ACTL7A: variants seen among roughly 807,000 people sequenced by gnomAD.
The protein encoded by ACTL7A is actin-like protein 7A.
In ACTL7A, 27 loss-of-function variants were observed where a neutral mutation model predicts 30.3. The ratio of observed to expected loss-of-function variants is 0.89; its 90% CI spans 0.66 to 1.23. ACTL7A has a LOEUF of 1.23. Ranked by LOEUF, ACTL7A falls within the 50% of genes most tolerant of loss-of-function variation. The probability of loss-of-function intolerance (pLI) is 0.00; values close to 1 mark genes in which losing one functional copy is unlikely to be tolerated. For synonymous variants in ACTL7A, 259 were observed against 241.4 expected (o/e 1.07, Z -0.67); for missense variants, 566 against 571.8 (o/e 0.99, Z 0.10).
chr9:108,863,196 G>A lies in ACTL7A; in HGVS notation c.874G>A (p.Val292Ile). The A allele has an allele frequency of 6.2e-7, 1 of 1,614,116 alleles. No homozygotes were observed. The highest frequency in any genetic ancestry group is 1.1e-5 in the South Asian group (1 of 91,080). Residue 292 changes from valine to isoleucine, a missense_variant, in exon 1 of 1, where the codon GTC becomes ATC. Coordinates refer to ENST00000333999, the MANE Select transcript of ACTL7A (RefSeq NM_006687.4). Reference sequence around the variant, plus strand: ...CCTGGATCCCATTGAGGAGAAGAAAGTCCCTCTCAGTGAGCATACGATCCG... The same window carrying A: ...CCTGGATCCCATTGAGGAGAAGAAAATCCCTCTCAGTGAGCATACGATCCG... Reference protein sequence around the residue: ...VALDPIEEKKVPLSEHTIRYV... With the variant: ...VALDPIEEKKIPLSEHTIRYV...
In ACTL7A at chr9:108,863,190, A is replaced by G; in HGVS notation, c.868A>G (p.Lys290Glu). The G allele has an allele frequency of 1.2e-6, 2 of 1,614,070 alleles. No individual in the cohort carries two copies. Among genetic ancestry groups the G allele is most frequent in the Non-Finnish European group, 1.7e-6 (2 of 1,180,034 alleles). ...TGTGGCCCTGGATCCCATTGAGGAG[A>G]AGAAAGTCCCTCTCAGTGAGCATAC... is the stretch of plus-strand genomic sequence containing the variant. ...CFVALDPIEE[K>E]KVPLSEHTIR... The change falls in exon 1 of 1, where the codon AAG becomes GAG. Residue 290 changes from lysine (K) to glutamate (E), a missense_variant. By Grantham distance (56) the Lys-to-Glu change is moderately conservative. Coordinates refer to ENST00000333999, the MANE Select transcript of ACTL7A (RefSeq NM_006687.4).
In ACTL7A at chr9:108,863,712, G is replaced by A. The variant is rs755231009; in HGVS notation, c.*82G>A. 2.7e-5 allele frequency: 37 copies of A among 1,349,296 alleles called. No homozygotes were observed. The highest frequency in any genetic ancestry group is 1.2e-4 in the African/African-American group (8 of 68,864). The allele number at this position is 1,349,296 out of a possible 1,614,324, so 83.6% of individuals were successfully genotyped here. ...ACTCCTACACACAGGGGGTGGAGCCGGCGCTTATTCCTGTAGCATTAAACA... is the reference window on the plus strand; with the variant it reads ...ACTCCTACACACAGGGGGTGGAGCCAGCGCTTATTCCTGTAGCATTAAACA... On this transcript the variant is annotated 3_prime_UTR_variant, in exon 1 of 1. Transcript: ENST00000333999.
In ACTL7A at chr9:108,863,713, G is replaced by A; in HGVS notation, c.*83G>A. On this transcript the variant is annotated 3_prime_UTR_variant, in exon 1 of 1. Transcript: ENST00000333999. ...CTCCTACACACAGGGGGTGGAGCCGGCGCTTATTCCTGTAGCATTAAACAC... is the reference window on the plus strand; with the variant it reads ...CTCCTACACACAGGGGGTGGAGCCGACGCTTATTCCTGTAGCATTAAACAC... 1.5e-6 allele frequency: 2 copies of A among 1,349,810 alleles called. No individual in the cohort carries two copies. Among genetic ancestry groups the A allele is most frequent in the East Asian group, 2.4e-5 (1 of 42,514 alleles). The allele number at this position is 1,349,810 out of a possible 1,614,324, so 83.6% of individuals were successfully genotyped here.
Position 108,862,441 on chromosome 9 carries a change from G to T in ACTL7A, c.119G>T (p.Arg40Leu). ...TASLRDGPAK[R>L]AVWVRHTSSE... ...TCTTTAAGGGATGGCCCGGCGAAGCGGGCCGTGTGGGTCCGCCATACGAGT... is the reference window on the plus strand; with the variant it reads ...TCTTTAAGGGATGGCCCGGCGAAGCTGGCCGTGTGGGTCCGCCATACGAGT... Residue 40 changes from arginine to leucine, a missense_variant, in exon 1 of 1, where the codon CGG becomes CTG. Transcript: ENST00000333999. 1 of 1,614,084 alleles carries T rather than the reference G, an allele frequency of 6.2e-7. No homozygotes were observed. The highest frequency in any genetic ancestry group is 8.5e-7 in the Non-Finnish European group (1 of 1,180,030).
In ACTL7A at chr9:108,862,524, G is replaced by T. The variant is rs1400270100; in HGVS notation, c.202G>T (p.Val68Leu). 1 of 1,613,992 alleles carries T rather than the reference G, an allele frequency of 6.2e-7. No homozygotes were observed. Among genetic ancestry groups the T allele is most frequent in the Non-Finnish European group, 8.5e-7 (1 of 1,180,046 alleles). Residue 68 changes from valine to leucine, a missense_variant, in exon 1 of 1, where the codon GTG (valine) becomes TTG (leucine). Physicochemically the swap from Val to Leu is conservative, Grantham distance 32. Transcript: ENST00000333999. Reference protein sequence around the residue: ...KAAKERPKQEVTKAVVVDLGT... With the variant: ...KAAKERPKQELTKAVVVDLGT... ...AGCCAAGGAGAGGCCCAAGCAGGAG[G>T]TGACCAAAGCAGTGGTCGTGGACCT...
rs1827181673 is a variant in ACTL7A, at chr9:108,862,689, A to G, written c.367A>G (p.Asn123Asp). 6.2e-7 allele frequency: 1 copy of G among 1,614,100 alleles called. No individual in the cohort carries two copies. Among genetic ancestry groups the G allele is most frequent in the African/African-American group, 1.3e-5 (1 of 74,928 alleles). Residue 123 changes from asparagine (N) to aspartate (D), a missense_variant, in exon 1 of 1, where the codon AAC becomes GAC. By Grantham distance (23) the Asn-to-Asp change is conservative (BLOSUM62 1). Transcript: ENST00000333999. ...GGAGACATTCGTGGGGCAGGAACTCAACAACACAAACGTTCATCTCAAGCT... is the reference window on the plus strand; with the variant it reads ...GGAGACATTCGTGGGGCAGGAACTCGACAACACAAACGTTCATCTCAAGCT... Reference protein sequence around the residue: ...RKETFVGQELNNTNVHLKLVN... With the variant: ...RKETFVGQELDNTNVHLKLVN...
rs1175812206 is a variant in ACTL7A, at chr9:108,863,380, AC to A, written c.1060del (p.Leu354SerfsTer25). 6.2e-7 allele frequency: 1 copy of A among 1,614,156 alleles called. No homozygotes were observed. The stretch of plus-strand genomic sequence containing the variant: ...AAGTGTGACATCGCCCTCAAACGGG[AC>A]CTCATGGGGAACATCCTGCTCTGCG... ...LNKCDIALKR[D>X]LMGNILLCGG... On this transcript the variant is annotated frameshift_variant, in exon 1 of 1. Coordinates refer to ENST00000333999, the MANE Select transcript of ACTL7A (RefSeq NM_006687.4). LOFTEE classifies it high-confidence loss of function.
chr9:108,863,015 G>A lies in ACTL7A; in HGVS notation c.693G>A (p.Glu231=), dbSNP rs1357018237. 6.2e-7 allele frequency: 1 copy of A among 1,613,408 alleles called. No individual in the cohort carries two copies. The highest frequency in any genetic ancestry group is 8.5e-7 in the Non-Finnish European group (1 of 1,179,610). ...HGVSYVVPIY[E]GYPLPSITGR... is the part of the protein sequence containing the mutation. ...TGTCCTACGTGGTCCCCATCTACGA[G>A]GGTTATCCTTTGCCCAGCATCACCG... Residue 231 remains glutamate (E), a synonymous_variant, in exon 1 of 1, where the codon GAG becomes GAA. Transcript: ENST00000333999.
Position 108,862,851 on chromosome 9 carries a change from C to CA in ACTL7A, c.530dup (p.His177GlnfsTer9), listed in dbSNP as rs1564200738. On this transcript the variant is annotated frameshift_variant, in exon 1 of 1. Coordinates refer to ENST00000333999, the MANE Select transcript of ACTL7A (RefSeq NM_006687.4). LOFTEE classifies it high-confidence loss of function. ...GGTTTCAGACCCGCCACTGAGCCCA[C>CA]ACACCAACAGAGAGAAATATGCTGA... 10 of 1,613,972 alleles carry CA rather than the reference C, an allele frequency of 6.2e-6. No individual in the cohort carries two copies. Among genetic ancestry groups the CA allele is most frequent in the Non-Finnish European group, 8.5e-6 (10 of 1,179,910 alleles).
At position 108,862,403 on chromosome 9, in the gene ACTL7A, C is replaced by T; in HGVS notation, c.81C>T (p.Ala27=). Residue 27 remains alanine, a synonymous_variant, in exon 1 of 1, where the codon GCC becomes GCT. Transcript: ENST00000333999. ...VGNQAPLQTQ[A]LQTASLRDGP... is the part of the protein sequence containing the mutation. ...ACCAGGCCCCCCTGCAGACACAGGCCCTCCAGACTGCCTCTTTAAGGGATG... is the reference window on the plus strand; with the variant it reads ...ACCAGGCCCCCCTGCAGACACAGGCTCTCCAGACTGCCTCTTTAAGGGATG... The T allele has an allele frequency of 3.7e-6, 6 of 1,614,052 alleles. No individual in the cohort carries two copies. Among genetic ancestry groups the T allele is most frequent in the Non-Finnish European group, 5.1e-6 (6 of 1,180,024 alleles).
rs1336217267 is a variant in ACTL7A, at chr9:108,863,100, G to A, written c.778G>A (p.Ala260Thr). 1 of 1,614,134 alleles carries A rather than the reference G, an allele frequency of 6.2e-7. No homozygotes were observed. Among genetic ancestry groups the A allele is most frequent in the Non-Finnish European group, 8.5e-7 (1 of 1,180,030 alleles). ...TAYLLGLLNS[A>T]GNEFTQDQMG... is the part of the protein sequence containing the mutation. ...CTACCTGCTGGGCCTGCTGAACAGTGCGGGGAACGAATTCACCCAGGACCA... is the reference window on the plus strand; with the variant it reads ...CTACCTGCTGGGCCTGCTGAACAGTACGGGGAACGAATTCACCCAGGACCA... Residue 260 changes from alanine to threonine, a missense_variant, in exon 1 of 1, where the codon GCG (alanine) becomes ACG (threonine). Transcript: ENST00000333999.
In ACTL7A at chr9:108,863,519, G is replaced by A. The variant is rs751153348; in HGVS notation, c.1197G>A (p.Val399=). Reference sequence around the variant, plus strand: ...TGCTGCCTGAAAGAGACAGTGCCGTGTGGACCGGTGGCTCCATCCTGGCCT... The same window carrying A: ...TGCTGCCTGAAAGAGACAGTGCCGTATGGACCGGTGGCTCCATCCTGGCCT... ...VNVLPERDSA[V]WTGGSILASL... is the part of the protein sequence containing the mutation. The change falls in exon 1 of 1, where the codon GTG becomes GTA. Residue 399 remains valine (V), a synonymous_variant. Coordinates refer to ENST00000333999, the MANE Select transcript of ACTL7A (RefSeq NM_006687.4). 6 of 1,614,086 alleles carry A rather than the reference G, an allele frequency of 3.7e-6. No individual in the cohort carries two copies. The highest frequency in any genetic ancestry group is 1.3e-5 in the African/African-American group (1 of 74,936).
At position 108,863,004 on chromosome 9, in the gene ACTL7A, C is replaced by G; in HGVS notation, c.682C>G (p.Pro228Ala). 6.2e-7 allele frequency: 1 copy of G among 1,612,296 alleles called. No homozygotes were observed. The highest frequency in any genetic ancestry group is 8.5e-7 in the Non-Finnish European group (1 of 1,178,946). The change falls in exon 1 of 1, where the codon CCC becomes GCC. Residue 228 changes from proline to alanine, a missense_variant. Coordinates refer to ENST00000333999, the MANE Select transcript of ACTL7A (RefSeq NM_006687.4). ...EVGHGVSYVV[P>A]IYEGYPLPSI... ...GGGCCATGGCGTGTCCTACGTGGTC[C>G]CCATCTACGAGGGTTATCCTTTGCC...
rs529223031 is a variant in ACTL7A at position 108,862,353 on chromosome 9, G to A, written c.31G>A (p.Asp11Asn). Reference sequence around the variant, plus strand: ...GGCTCCACCAGCAGCAATCATGGGGGATGGGCCCACCAAGAAGGTGGGCAA... The same window carrying A: ...GGCTCCACCAGCAGCAATCATGGGGAATGGGCCCACCAAGAAGGTGGGCAA... MWAPPAAIMG[D>N]GPTKKVGNQA... The change falls in exon 1 of 1, where the codon GAT (aspartate) becomes AAT (asparagine). Residue 11 changes from aspartate (D) to asparagine (N), a missense_variant. Transcript: ENST00000333999. 1 of 1,613,298 alleles carries A rather than the reference G, an allele frequency of 6.2e-7. No homozygotes were observed. The highest frequency in any genetic ancestry group is 8.5e-7 in the Non-Finnish European group (1 of 1,179,774).
chr9:108,863,390 G>C lies in ACTL7A; in HGVS notation c.1068G>C (p.Gly356=), dbSNP rs750011882. The change falls in exon 1 of 1, where the codon GGG becomes GGC. Residue 356 remains glycine (G), a synonymous_variant. Coordinates refer to ENST00000333999, the MANE Select transcript of ACTL7A (RefSeq NM_006687.4). ...TCGCCCTCAAACGGGACCTCATGGG[G>C]AACATCCTGCTCTGCGGGGGCAGCA... is the stretch of plus-strand genomic sequence containing the variant. ...CDIALKRDLM[G]NILLCGGSTM... 6.2e-7 allele frequency: 1 copy of C among 1,614,202 alleles called. No homozygotes were observed. Among genetic ancestry groups the C allele is most frequent in the Non-Finnish European group, 8.5e-7 (1 of 1,180,038 alleles).
Position 108,863,478 on chromosome 9 carries a change from A to C in ACTL7A, c.1156A>C (p.Thr386Pro), listed in dbSNP as rs930788420. 2 of 1,614,056 alleles carry C rather than the reference A, an allele frequency of 1.2e-6. No individual in the cohort carries two copies. The highest frequency in any genetic ancestry group is 1.7e-6 in the Non-Finnish European group (2 of 1,180,010). Residue 386 changes from threonine (T) to proline (P), a missense_variant, in exon 1 of 1, where the codon ACC becomes CCC. Thr to Pro is a conservative substitution (Grantham distance 38). Coordinates refer to ENST00000333999, the MANE Select transcript of ACTL7A (RefSeq NM_006687.4). ...GCTAAGCAGCATGTGTCCCAATGAC[A>C]CCCCGCAGGTAAACGTGCTGCCTGA... The part of the protein sequence containing the change: ...KELSSMCPND[T>P]PQVNVLPERD...
In ACTL7A at chr9:108,863,187, G is replaced by C. The variant is rs113311449; in HGVS notation, c.865G>C (p.Glu289Gln). The change falls in exon 1 of 1, where the codon GAG becomes CAG. Residue 289 changes from glutamate (E) to glutamine (Q), a missense_variant. By Grantham distance (29) the Glu-to-Gln change is conservative (BLOSUM62 2). Transcript: ENST00000333999. ...CTTTGTGGCCCTGGATCCCATTGAG[G>C]AGAAGAAAGTCCCTCTCAGTGAGCA... ...CCFVALDPIE[E>Q]KKVPLSEHTI... 2.3e-5 allele frequency: 37 copies of C among 1,614,112 alleles called. 1 individual carries two copies. Among genetic ancestry groups the C allele is most frequent in the African/African-American group, 2.1e-4 (16 of 75,044 alleles).
In ACTL7A at chr9:108,862,541, C is replaced by G; in HGVS notation, c.219C>G (p.Val73=). Residue 73 remains valine, a synonymous_variant, in exon 1 of 1, where the codon GTC becomes GTG. Coordinates refer to ENST00000333999, the MANE Select transcript of ACTL7A (RefSeq NM_006687.4). ...AGCAGGAGGTGACCAAAGCAGTGGT[C>G]GTGGACCTGGGCACTGGCTACTGTA... ...RPKQEVTKAV[V]VDLGTGYCKC... 1 of 1,614,096 alleles carries G rather than the reference C, an allele frequency of 6.2e-7. No homozygotes were observed.
Position 108,862,832 on chromosome 9 carries a change from A to G in ACTL7A, c.510A>G (p.Ser170=). 1 of 1,609,362 alleles carries G rather than the reference A, an allele frequency of 6.2e-7. No individual in the cohort carries two copies. The highest frequency in any genetic ancestry group is 8.5e-7 in the Non-Finnish European group (1 of 1,177,128). The change falls in exon 1 of 1, where the codon TCA becomes TCG. Residue 170 remains serine (S), a synonymous_variant. Coordinates refer to ENST00000333999, the MANE Select transcript of ACTL7A (RefSeq NM_006687.4). ...IAPEEHAVLV[S]DPPLSPHTNR... ...CGGAGGAGCATGCGGTCTTGGTTTC[A>G]GACCCGCCACTGAGCCCACACACCA...
Sources: allele counts gnomAD v4.1 joint callset, GRCh38; gene constraint gnomAD v4.1.1; transcripts MANE v1.5; gene names NCBI Gene and HGNC (gene_info 2026-07-23, HGNC 2026-07-21).